Variants in HLA-DPA1 observed in about 807,000 individuals in gnomAD.
The protein encoded by HLA-DPA1 is major histocompatibility complex, class II, DP alpha 1, also known as HLA class II histocompatibility antigen, DP alpha 1 chain.
In HLA-DPA1, 20 loss-of-function variants were observed where a neutral mutation model predicts 21.5. That is an observed-to-expected ratio of 0.93 (90% CI 0.66 to 1.35). The LOEUF (loss-of-function observed/expected upper bound fraction) is 1.35, where lower values mean the gene tolerates loss of function less well. HLA-DPA1 is among the 40% of genes most tolerant of loss of function. HLA-DPA1 has a pLI of 0.00. For missense variants in HLA-DPA1, 279 were observed against 323.0 expected (o/e 0.86, Z 1.05); for synonymous variants, 123 against 129.6 (o/e 0.95, Z 0.35).
chr6:33,068,405 A>G, intron 5 of HLA-DPA1: 1 of 440,884 alleles, frequency 2.3e-6, no homozygotes, highest in Non-Finnish European at 4.0e-6. Flanking sequence ...GAAATAGTGA[A>G]AATAATAGTA....
chr6:33,064,758 AG>A (rs1333821322), exon 6 of HLA-DPA1: 1 of 152,240 alleles, frequency 6.6e-6, no homozygotes, highest in Non-Finnish European at 1.5e-5. Context: ...CAAACACTGC[AG>A]TCTTCAAACT....
At position 33,071,132 on chromosome 6, in the gene HLA-DPA1, T is replaced by C. The variant is rs1419199773; in HGVS notation, c.101-1246A>G. Among the ~76,000 whole-genome samples, 539 of 82,324 alleles carry C rather than the reference T, an allele frequency of 6.5e-3. 2 individuals carry two copies. In the East Asian group the frequency reaches 0.16, roughly 24 times the overall value. The allele number at this position is 82,324 out of a possible 152,430, so 54.0% of individuals were successfully genotyped here. A position where few individuals can be genotyped will look rare whatever the true frequency, so the allele number is the denominator to read the frequency against. ...CCCTGACATGTGGGGACCCAGTCTG[T>C]GCTTGGCCACTTACAGTGACAGGAG... is the stretch of plus-strand genomic sequence containing the variant. On this transcript the variant is annotated intron_variant, in intron 2 of 5. Coordinates refer to ENST00000419277, the Ensembl canonical transcript of HLA-DPA1.
At position 33,080,061 on chromosome 6, in the gene HLA-DPA1, A is replaced by C. The variant is rs530320446; in HGVS notation, c.-100+619T>G. On this transcript the variant is annotated intron_variant, in intron 1 of 5. Transcript: ENST00000419277. This position sits in a 1 kb window ranked among gnomAD's most constrained non-coding sequence, Gnocchi z 4.3. The stretch of plus-strand genomic sequence containing the variant: ...GTTTGAAAATTAACTTTCAGGCTAC[A>C]GAGTCTTTCTTATACCAAAGTTGAA... 6.6e-6 allele frequency among the ~76,000 whole-genome samples: 1 copy of C among 152,240 alleles called. No homozygotes were observed. Among genetic ancestry groups the C allele is most frequent in the Non-Finnish European group, 1.5e-5 (1 of 68,042 alleles).
intron 1 of HLA-DPA1, among the ~76,000 whole-genome samples, chr6:33,077,368 G>T (rs546810021): frequency 6.6e-6 from 1 of 151,918 alleles, no homozygotes; most frequent in Admixed American, 6.6e-5. Flanking sequence ...GAATAGTGCC[G>T]CAATAAACAT....
At chr6:33,072,401 G>A (rs923110457) in intron 2 of HLA-DPA1, among the ~76,000 whole-genome samples, 1 of 142,034 alleles carries the variant, frequency 7.0e-6, no homozygotes, top group Non-Finnish European at 1.5e-5. Flanking sequence ...ATGTTTAAAT[G>A]TTAAGAGACT....
intron 5 of HLA-DPA1, 103 bp downstream of exon 4, chr6:33,068,535 A>G (rs72879609): frequency 0.19 from 169,040 of 872,294 alleles, 25,796 homozygotes; most frequent in East Asian, 0.63. Flanking sequence ...ATGTGGCTGA[A>G]TGCTTTTAAC....
exon 5 of HLA-DPA1, chr6:33,068,700 T>C: frequency 6.2e-7 from 1 of 1,613,020 alleles, no homozygotes; most frequent in Non-Finnish European, 8.5e-7. Flanking sequence ...AGAGACTTTA[T>C]GATGAGGACG....
At chr6:33,078,644 T>G (rs1762679335) in intron 1 of HLA-DPA1, among the ~76,000 whole-genome samples, 1 of 152,100 alleles carries the variant, frequency 6.6e-6, no homozygotes. Context: ...AATGAAGGTT[T>G]CAAATTACAC....
rs747774434 is a variant in HLA-DPA1 at position 33,080,281 on chromosome 6, T to G, written c.-100+399A>C. Reference sequence around the variant, plus strand: ...AGGATGGAAATGTCAGTCAGGGAGTTAAGTAGGGGGAGCAGCTCCGCCCTC... The same window carrying G: ...AGGATGGAAATGTCAGTCAGGGAGTGAAGTAGGGGGAGCAGCTCCGCCCTC... On this transcript the variant is annotated intron_variant, in intron 1 of 5. Coordinates refer to ENST00000419277, the Ensembl canonical transcript of HLA-DPA1. The surrounding 1 kb of genome is among the most constrained non-coding windows in gnomAD (Gnocchi z 4.3). 4.3e-4 allele frequency: 164 copies of G among 383,124 alleles called. No homozygotes were observed. The highest frequency in any genetic ancestry group is 7.0e-4 in the Non-Finnish European group (137 of 195,790). The allele number at this position is 383,124 out of a possible 1,614,324, so 23.7% of individuals were successfully genotyped here.
At chr6:33,078,491 C>A (rs932565894) in intron 1 of HLA-DPA1, among the ~76,000 whole-genome samples, 1 of 152,074 alleles carries the variant, frequency 6.6e-6, no homozygotes, top group African/African-American at 2.4e-5. Flanking sequence ...CTGAGACAAC[C>A]CATAGGGAGC....
chr6:33,070,953 T>C (rs1340250142), intron 2 of HLA-DPA1, among the ~76,000 whole-genome samples: 1 of 152,190 alleles, frequency 6.6e-6, no homozygotes, highest in Non-Finnish European at 1.5e-5. Context: ...TTAGCAAAGA[T>C]AAGAGGATAA....
intron 1 of HLA-DPA1, among the ~76,000 whole-genome samples, chr6:33,076,568 C>T (rs891482708): frequency 8.5e-5 from 13 of 152,114 alleles, no homozygotes; most frequent in African/African-American, 1.7e-4. Flanking sequence ...TCAGTGCTCA[C>T]GAAGAATGCC....
At chr6:33,073,920 C>G (rs910005109) in intron 1 of HLA-DPA1, 4 of 232,452 alleles carry the variant, frequency 1.7e-5, no homozygotes, top group Non-Finnish European at 2.5e-5. Context: ...TTCCTTCTCC[C>G]GAGCCCCACC....
chr6:33,069,076 A>C (rs1042308), exon 4 of HLA-DPA1: 344,025 of 1,612,042 alleles, frequency 0.21, 47,346 homozygotes, highest in East Asian at 0.64. Flanking sequence ...CAGTCATAGA[A>C]GTCCTCTGCT....
chr6:33,073,167 T>C (rs1281397793), intron 2 of HLA-DPA1, among the ~76,000 whole-genome samples: 2 of 152,218 alleles, frequency 1.3e-5, no homozygotes, highest in African/African-American at 4.8e-5. Flanking sequence ...TTGGAAAACT[T>C]ATTCATCTTT....
intron 1 of HLA-DPA1, chr6:33,079,923 C>G (rs7760936): frequency 0.032 from 8,447 of 267,612 alleles, 225 homozygotes; most frequent in African/African-American, 0.057. Flanking sequence ...AAAATTACAT[C>G]AATGCCTCTA....
At chr6:33,076,197 G>C (rs546970106) in intron 1 of HLA-DPA1, 11 of 1,212,788 alleles carry the variant, frequency 9.1e-6, no homozygotes, top group Admixed American at 2.0e-5. Context: ...ATTCCTAGGG[G>C]ACGTTATCTT....
chr6:33,072,587 G>C lies in HLA-DPA1; in HGVS notation c.100+884C>G, dbSNP rs144880913. Among the ~76,000 whole-genome samples, 542 of 152,288 alleles carry C rather than the reference G, an allele frequency of 3.6e-3. 3 individuals carry two copies. Among genetic ancestry groups the C allele is most frequent in the East Asian group, 0.026 (133 of 5,188 alleles). The stretch of plus-strand genomic sequence containing the variant: ...AGATACTTCTGGTTCTACCCAGCCT[G>C]ACCTCCTCTTTATTCTACACATCTT... On this transcript the variant is annotated intron_variant, in intron 2 of 5. Coordinates refer to ENST00000419277, the Ensembl canonical transcript of HLA-DPA1.
intron 1 of HLA-DPA1, chr6:33,079,797 C>A: frequency 4.3e-6 from 2 of 467,764 alleles, no homozygotes; most frequent in South Asian, 3.2e-5. Flanking sequence ...TGGAAAGAGT[C>A]ACCCAGCCGG....
Sources: allele counts gnomAD v4.1 joint callset (sites outside exome capture counted in the v4.1 genomes callset), GRCh38; gene constraint gnomAD v4.1.1; non-coding constraint Gnocchi (gnomAD v3.1); transcripts MANE v1.5; gene names NCBI Gene and HGNC (gene_info 2026-07-23, HGNC 2026-07-21).